CLN8: variants seen among roughly 807,000 people sequenced by gnomAD.
CLN8 encodes protein CLN8.
Under a neutral mutation model 15.7 loss-of-function variants are expected in CLN8, and 14 were observed. The observed-to-expected ratio is 0.89, with a 90% CI of 0.59 to 1.39. The LOEUF is 1.39. Ranked by LOEUF, CLN8 falls within the 40% of genes most tolerant of loss-of-function variation. The pLI is 0.00. For missense variants in CLN8, 415 were observed against 364.0 expected (o/e 1.14, Z -1.14); for synonymous variants, 188 against 151.0 (o/e 1.25, Z -1.80).
intron 1 of CLN8, chr8:1,764,647 T>G (rs1451166012): frequency 6.5e-6 from 1 of 152,806 alleles, no homozygotes; most frequent in African/African-American, 2.4e-5. Context: ...GGACGCTGGG[T>G]AAGGTCACCA....
intron 1 of CLN8, among the ~76,000 whole-genome samples, chr8:1,770,565 G>C (rs1296543820): frequency 6.6e-6 from 1 of 152,166 alleles, no homozygotes; most frequent in East Asian, 1.9e-4. Flanking sequence ...CTGTAACAAA[G>C]TGTATCCCAG....
chr8:1,753,854 C>G (rs1800608048), upstream of CLN8, among the ~76,000 whole-genome samples: 1 of 151,710 alleles, frequency 6.6e-6, no homozygotes, highest in South Asian at 2.1e-4. Context: ...CCATTGCACT[C>G]CAGCCTGAGT....
chr8:1,779,738 C>G (rs1021268147), intron 2 of CLN8, among the ~76,000 whole-genome samples: 3 of 152,186 alleles, frequency 2.0e-5, no homozygotes, highest in African/African-American at 7.2e-5. Flanking sequence ...TGGCCACCTT[C>G]TGGCTGTGTC....
intron 2 of CLN8, 40 bp downstream of exon 2, chr8:1,771,637 G>A (rs374165512): frequency 9.5e-6 from 15 of 1,574,540 alleles, no homozygotes; most frequent in South Asian, 6.7e-5. Flanking sequence ...TGTGCCTCAC[G>A]CATTTAATCA....
intron 1 of CLN8, among the ~76,000 whole-genome samples, chr8:1,756,318 C>A (rs1800668623): frequency 6.6e-6 from 1 of 151,868 alleles, no homozygotes; most frequent in African/African-American, 2.4e-5. Context: ...CCCGTCTGTA[C>A]TAAAAAAATA....
upstream of CLN8, chr8:1,759,003 TG>T (rs1800732447): frequency 6.6e-6 from 1 of 152,198 alleles, no homozygotes; most frequent in South Asian, 2.1e-4. Flanking sequence ...AAATATATTC[TG>T]GGGTAAAATG....
intron 2 of CLN8, among the ~76,000 whole-genome samples, chr8:1,773,407 C>T (rs757793024): frequency 3.9e-5 from 6 of 151,976 alleles, no homozygotes; most frequent in Admixed American, 6.6e-5. Context: ...GGTTGGGGGC[C>T]GGTGTGATTT....
At chr8:1,778,930 A>G (rs1294732895) in intron 2 of CLN8, among the ~76,000 whole-genome samples, 1 of 152,324 alleles carries the variant, frequency 6.6e-6, no homozygotes, top group Non-Finnish European at 1.5e-5. Flanking sequence ...ACATCATGGT[A>G]TATAGCCTGG....
In CLN8 at chr8:1,770,604, C is replaced by G. The variant is rs147182852; in HGVS notation, c.-123-328C>G. 0.013 allele frequency among the ~76,000 whole-genome samples: 1,972 copies of G among 152,176 alleles called. 17 individuals are homozygous for G. The highest frequency in any genetic ancestry group is 0.018 in the Non-Finnish European group (1,202 of 67,992). ...AATGACTTAAATATGTTTCATCCTG[C>G]GATGCCTGAATTGTGTGACTGATTG... On this transcript the variant is annotated intron_variant, in intron 1 of 2. Coordinates refer to ENST00000331222, the MANE Select transcript of CLN8 (RefSeq NM_018941.4).
chr8:1,772,829 T>G, intron 2 of CLN8: 1 of 393,928 alleles, frequency 2.5e-6, no homozygotes, highest in Non-Finnish European at 4.5e-6. Context: ...ACCCATCACA[T>G]TGTTTATGGG....
In CLN8 at chr8:1,781,519, A is replaced by G. The variant is rs534444139; in HGVS notation, c.*952A>G. On this transcript the variant is annotated 3_prime_UTR_variant, in exon 3 of 3. Coordinates refer to ENST00000331222, the MANE Select transcript of CLN8 (RefSeq NM_018941.4). The stretch of plus-strand genomic sequence containing the variant: ...CACCAACCAGAGCGTGGGCTGGTAA[A>G]GATGAAATCTTGCAAGTTTTTTTTT... 6.6e-6 allele frequency: 1 copy of G among 152,230 alleles called. No individual in the cohort carries two copies. The highest frequency in any genetic ancestry group is 1.5e-5 in the Non-Finnish European group (1 of 68,014). The allele number at this position is 152,230 out of a possible 1,614,324, so 9.4% of individuals were successfully genotyped here.
intron 2 of CLN8, among the ~76,000 whole-genome samples, chr8:1,778,001 C>G (rs1040495209): frequency 1.3e-5 from 2 of 152,268 alleles, no homozygotes; most frequent in African/African-American, 2.4e-5. Context: ...GCCCTGGGCA[C>G]TGCTGTAGGT....
chr8:1,771,077 G>T lies in CLN8; in HGVS notation c.23G>T (p.Gly8Val), dbSNP rs781017885. ...ACAATGAATCCTGCGAGCGATGGGG[G>T]CACATCAGAGAGCATTTTTGACCTG... The part of the protein sequence containing the change: MNPASDG[G>V]TSESIFDLDY... The change falls in exon 2 of 3, where the codon GGC becomes GTC. Residue 8 changes from glycine (G) to valine (V), a missense_variant. Gly to Val is a moderately radical substitution (Grantham distance 109). Transcript: ENST00000331222. The T allele has an allele frequency of 6.2e-7, 1 of 1,614,034 alleles. No homozygotes were observed. Among genetic ancestry groups the T allele is most frequent in the Non-Finnish European group, 8.5e-7 (1 of 1,180,006 alleles).
intron 1 of CLN8, among the ~76,000 whole-genome samples, chr8:1,768,710 C>T (rs969347198): frequency 3.3e-5 from 5 of 152,190 alleles, no homozygotes; most frequent in African/African-American, 9.7e-5. Flanking sequence ...GGTAAGCGGT[C>T]TCCCCTCCAG....
At chr8:1,777,920 A>G (rs756122313) in intron 2 of CLN8, among the ~76,000 whole-genome samples, 7 of 152,262 alleles carry the variant, frequency 4.6e-5, no homozygotes, top group Admixed American at 1.3e-4. Context: ...GGAATTGTTC[A>G]GCTCCATTAT....
chr8:1,770,506 C>T (rs965302406), intron 1 of CLN8, among the ~76,000 whole-genome samples: 1 of 152,166 alleles, frequency 6.6e-6, no homozygotes, highest in African/African-American at 2.4e-5. Flanking sequence ...CACAGGTTTT[C>T]GTGACATCCT....
At chr8:1,758,992 G>T (rs1800732151), upstream of CLN8, 1 of 152,154 alleles carries the variant, frequency 6.6e-6, no homozygotes, top group South Asian at 2.1e-4. Flanking sequence ...ATATGTCAAA[G>T]AAATATATTC....
chr8:1,763,850 G>T lies in CLN8; in HGVS notation c.-159G>T, dbSNP rs1337999380. The T allele has an allele frequency of 6.6e-6, 1 of 151,920 alleles. No homozygotes were observed. The highest frequency in any genetic ancestry group is 2.4e-5 in the African/African-American group (1 of 41,218). 9.4% of individuals were successfully genotyped at this position (151,920 alleles called of 1,614,324 possible). ...GGGAGTCCTGCAGGGGCGGGGCGGC[G>T]CCAAGCGCAGGGAGCCCGGCTGAGT... On this transcript the variant is annotated 5_prime_UTR_variant, in exon 1 of 3. Coordinates refer to ENST00000331222, the MANE Select transcript of CLN8 (RefSeq NM_018941.4).
At position 1,771,117 on chromosome 8, in the gene CLN8, G is replaced by A. The variant is rs746305254; in HGVS notation, c.63G>A (p.Trp21Ter). Reference sequence around the variant, plus strand: ...TTTTTGACCTGGACTATGCATCCTGGGGGATCCGCTCCACGCTGATGGTCG... The same window carrying A: ...TTTTTGACCTGGACTATGCATCCTGAGGGATCCGCTCCACGCTGATGGTCG... ...ESIFDLDYAS[W>*]GIRSTLMVAG... Residue 21 changes from tryptophan (W) to a stop codon, truncating the protein, a stop_gained, in exon 2 of 3, where the codon TGG becomes TGA. Transcript: ENST00000331222. LOFTEE classifies it high-confidence loss of function. 2 of 1,613,880 alleles carry A rather than the reference G, an allele frequency of 1.2e-6. No homozygotes were observed. Among genetic ancestry groups the A allele is most frequent in the Non-Finnish European group, 1.7e-6 (2 of 1,180,018 alleles).
Sources: allele counts gnomAD v4.1 joint callset (sites outside exome capture counted in the v4.1 genomes callset), GRCh38; gene constraint gnomAD v4.1.1; transcripts MANE v1.5; gene names NCBI Gene and HGNC (gene_info 2026-07-23, HGNC 2026-07-21).